PM20D2: variants seen among roughly 807,000 people sequenced by gnomAD.
PM20D2 encodes xaa-Arg dipeptidase.
Under a neutral mutation model 42.9 loss-of-function variants are expected in PM20D2, and 33 were observed. That is an observed-to-expected ratio of 0.77 (90% CI 0.58 to 1.03). The LOEUF (loss-of-function observed/expected upper bound fraction) is 1.03. Ranked by LOEUF, PM20D2 falls within the 50% of genes least tolerant of loss-of-function variation. The pLI, the probability that PM20D2 is intolerant of heterozygous loss-of-function variation, is 0.00. For missense variants in PM20D2, 548 were observed against 557.0 expected (o/e 0.98, Z 0.16); for synonymous variants, 250 against 228.2 (o/e 1.10, Z -0.86).
the PM20D2 span, among the ~76,000 whole-genome samples, chr6:89,125,625 A>G: frequency 6.6e-6 from 1 of 151,680 alleles, no homozygotes; most frequent in African/African-American, 2.4e-5. Flanking sequence ...TACTAAAAAT[A>G]CAAAAAAATT....
intron 2 of PM20D2, among the ~76,000 whole-genome samples, chr6:89,149,921 G>A (rs1770770132): frequency 6.6e-6 from 1 of 152,136 alleles, no homozygotes; most frequent in African/African-American, 2.4e-5. Context: ...GATTTGTCTG[G>A]TGCTGAAACC....
chr6:89,132,666 T>G, the PM20D2 span, among the ~76,000 whole-genome samples: 1 of 150,410 alleles, frequency 6.6e-6, no homozygotes, highest in Non-Finnish European at 1.5e-5. Context: ...GCCAACATGG[T>G]GAAACCCTGT....
At chr6:89,140,588 T>C in the PM20D2 span, among the ~76,000 whole-genome samples, 1 of 152,166 alleles carries the variant, frequency 6.6e-6, no homozygotes, top group African/African-American at 2.4e-5. Context: ...CTCCACCCAT[T>C]TTCCTAAGCC....
At chr6:89,140,627 A>G in the PM20D2 span, among the ~76,000 whole-genome samples, 1,685 of 152,266 alleles carry the variant, frequency 0.011, 38 homozygotes, top group African/African-American at 0.038. Flanking sequence ...TGTTCTTGTT[A>G]ACCACAAGCT....
Position 89,158,452 on chromosome 6 carries a change from G to GC in PM20D2, c.1043dup (p.Ser349PhefsTer10). 1 of 1,597,312 alleles carries GC rather than the reference G, an allele frequency of 6.3e-7. No homozygotes were observed. The highest frequency in any genetic ancestry group is 8.5e-7 in the Non-Finnish European group (1 of 1,176,614). On this transcript the variant is annotated frameshift_variant, in exon 5 of 7. Transcript: ENST00000275072. LOFTEE classifies it high-confidence loss of function. ...ATTTCAGAAGATACAATGTTGAATG[G>GC]CCCTTCAGGTAATTAAGTGTTTTTT...
At chr6:89,147,487 G>A (rs1053451756) in intron 1 of PM20D2, among the ~76,000 whole-genome samples, 2 of 151,958 alleles carry the variant, frequency 1.3e-5, no homozygotes, top group Non-Finnish European at 2.9e-5. Context: ...GTCTCTGGAG[G>A]CTCGTTTTTG....
chr6:89,116,813 C>T, the PM20D2 span, among the ~76,000 whole-genome samples: 11 of 151,262 alleles, frequency 7.3e-5, no homozygotes, highest in African/African-American at 2.4e-4. Flanking sequence ...AAATACTTAA[C>T]GTTTATTTAC....
At chr6:89,111,539 G>A in the PM20D2 span, among the ~76,000 whole-genome samples, 9 of 152,086 alleles carry the variant, frequency 5.9e-5, no homozygotes, top group South Asian at 1.9e-3. Flanking sequence ...AGTTCTAGCA[G>A]TTTTTTTGTT....
the PM20D2 span, among the ~76,000 whole-genome samples, chr6:89,103,135 G>T: frequency 6.6e-6 from 1 of 152,114 alleles, no homozygotes; most frequent in African/African-American, 2.4e-5. Flanking sequence ...CAAGTACAAA[G>T]CAGAATAGCA....
Position 89,162,241 on chromosome 6 carries a change from A to G in PM20D2, c.1289A>G (p.Gln430Arg). Residue 430 changes from glutamine to arginine, a missense_variant, in exon 7 of 7, where the codon CAG becomes CGG. Physicochemically the swap from Gln to Arg is conservative, Grantham distance 43. Coordinates refer to ENST00000275072, the MANE Select transcript of PM20D2 (RefSeq NM_001010853.3). ...EDFKLKLQEE[Q>R]FVNAVE ...TTTAAACTGAAACTTCAAGAAGAAC[A>G]GTTTGTAAATGCAGTAGAATAAAAG... 6.2e-7 allele frequency: 1 copy of G among 1,613,818 alleles called. No homozygotes were observed. Among genetic ancestry groups the G allele is most frequent in the Non-Finnish European group, 8.5e-7 (1 of 1,179,884 alleles).
the PM20D2 span, among the ~76,000 whole-genome samples, chr6:89,117,145 G>A: frequency 1.2e-4 from 19 of 152,274 alleles, no homozygotes; most frequent in South Asian, 2.5e-3. Flanking sequence ...TCAACGGAGG[G>A]GTGGGGCATC....
the PM20D2 span, chr6:89,117,938 C>G: frequency 9.9e-6 from 15 of 1,521,438 alleles, no homozygotes; most frequent in Admixed American, 2.1e-5. Flanking sequence ...TGGACTCGCT[C>G]CGTCTCCCGC....
the PM20D2 span, among the ~76,000 whole-genome samples, chr6:89,124,018 T>G: frequency 6.6e-6 from 1 of 152,080 alleles, no homozygotes; most frequent in Non-Finnish European, 1.5e-5. Flanking sequence ...GCCTGGGCAA[T>G]AAAGCAAGAT....
At chr6:89,120,270 T>C in the PM20D2 span, among the ~76,000 whole-genome samples, 1 of 152,206 alleles carries the variant, frequency 6.6e-6, no homozygotes, top group South Asian at 2.1e-4. Context: ...CTATCTCTTA[T>C]AAGGACATTT....
At chr6:89,128,382 G>C in the PM20D2 span, among the ~76,000 whole-genome samples, 1 of 152,118 alleles carries the variant, frequency 6.6e-6, no homozygotes, top group Non-Finnish European at 1.5e-5. Flanking sequence ...CTCCACCCTG[G>C]TAAATTTGTG....
the PM20D2 span, among the ~76,000 whole-genome samples, chr6:89,135,958 A>G: frequency 1.9e-3 from 288 of 151,294 alleles, 21 homozygotes; most frequent in African/African-American, 6.8e-3. Flanking sequence ...ACAAGGTCAT[A>G]TTGCAATATG....
At position 89,162,723 on chromosome 6, in the gene PM20D2, C is replaced by G. The variant is rs1562264943; in HGVS notation, c.*460C>G. 1 of 152,740 alleles carries G rather than the reference C, an allele frequency of 6.5e-6. No individual in the cohort carries two copies. Among genetic ancestry groups the G allele is most frequent in the African/African-American group, 2.4e-5 (1 of 41,542 alleles). 9.5% of individuals were successfully genotyped at this position (152,740 alleles called of 1,614,324 possible). A position where few individuals can be genotyped will look rare whatever the true frequency, so the allele number is the denominator to read the frequency against. ...TAGGGTGGTAAACTTGTTCTCTAAT[C>G]GTATATTAATTCCTCTACCAGATTG... On this transcript the variant is annotated 3_prime_UTR_variant, in exon 7 of 7. Transcript: ENST00000275072.
rs577241171 is a variant in PM20D2, at chr6:89,162,332, G to A, written c.*69G>A. On this transcript the variant is annotated 3_prime_UTR_variant, in exon 7 of 7. Coordinates refer to ENST00000275072, the MANE Select transcript of PM20D2 (RefSeq NM_001010853.3). The stretch of plus-strand genomic sequence containing the variant: ...TTTTCTTTTAATCTCTTTTAATGAA[G>A]GCATGCTTGTTTTTTAATCTTAAAG... 7.0e-6 allele frequency: 10 copies of A among 1,436,542 alleles called. No individual in the cohort carries two copies. The highest frequency in any genetic ancestry group is 4.4e-5 in the Admixed American group (2 of 45,314). 89.0% of individuals were successfully genotyped at this position (1,436,542 alleles called of 1,614,324 possible). A position where few individuals can be genotyped will look rare whatever the true frequency, so the allele number is the denominator to read the frequency against.
In PM20D2 at chr6:89,158,430, T is replaced by C; in HGVS notation, c.1018T>C (p.Ser340Pro). 6.2e-7 allele frequency: 1 copy of C among 1,611,644 alleles called. No individual in the cohort carries two copies. Among genetic ancestry groups the C allele is most frequent in the Non-Finnish European group, 8.5e-7 (1 of 1,179,462 alleles). ...AAGAAAGCTAGGAATAGAGTTCATT[T>C]CAGAAGATACAATGTTGAATGGCCC... The part of the protein sequence containing the change: ...NGRKLGIEFI[S>P]EDTMLNGPSG... The change falls in exon 5 of 7, where the codon TCA becomes CCA. Residue 340 changes from serine (S) to proline (P), a missense_variant. By Grantham distance (74) the Ser-to-Pro change is moderately conservative. Coordinates refer to ENST00000275072, the MANE Select transcript of PM20D2 (RefSeq NM_001010853.3).
Sources: gnomAD v4.1 joint callset for allele counts (sites outside exome capture counted in the v4.1 genomes callset) on GRCh38, gnomAD v4.1.1 for gene constraint, MANE v1.5 for transcripts, NCBI Gene and HGNC (gene_info 2026-07-23, HGNC 2026-07-21) for gene names.